The following GPC6 variants were observed in gnomAD, a reference collection of about 807,000 sequenced individuals.
GPC6 encodes glypican 6, also known as glypican-6.
In GPC6, 14 loss-of-function variants were observed where a neutral mutation model predicts 55.2. The ratio of observed to expected loss-of-function variants is 0.25; its 90% CI spans 0.17 to 0.40. The LOEUF (loss-of-function observed/expected upper bound fraction) is 0.40, where lower values mean the gene tolerates loss of function less well. GPC6 is among the 10% of genes least tolerant of loss of function. GPC6 has a pLI of 1.00. For synonymous variants in GPC6, 278 were observed against 259.6 expected (o/e 1.07, Z -0.68); for missense variants, 641 against 708.5 (o/e 0.90, Z 1.08).
chr13:93,340,348 T>G (rs1325692871), intron 1 of GPC6, among the ~76,000 whole-genome samples: 1 of 152,204 alleles, frequency 6.6e-6, no homozygotes, highest in Non-Finnish European at 1.5e-5. Flanking sequence ...AGTTTTCTTT[T>G]TAAATACCTG....
intron 2 of GPC6, among the ~76,000 whole-genome samples, chr13:93,804,025 T>A (rs1332948616): frequency 6.6e-6 from 1 of 152,126 alleles, no homozygotes; most frequent in Non-Finnish European, 1.5e-5. Flanking sequence ...TATGAATAGG[T>A]GAATATATTA....
intron 4 of GPC6, among the ~76,000 whole-genome samples, chr13:94,123,247 A>G (rs1021420000): frequency 1.1e-4 from 16 of 152,080 alleles, no homozygotes; most frequent in Non-Finnish European, 2.4e-4. Flanking sequence ...TATATGAGCT[A>G]GAAAATCCTT....
At chr13:93,322,008 GC>G (rs1426805325) in intron 1 of GPC6, among the ~76,000 whole-genome samples, 2 of 151,942 alleles carry the variant, frequency 1.3e-5, no homozygotes, top group Non-Finnish European at 2.9e-5. Flanking sequence ...CCAATCCATT[GC>G]AGATTGGTTC....
chr13:94,185,872 A>G (rs1436785577), intron 4 of GPC6, among the ~76,000 whole-genome samples: 1 of 151,986 alleles, frequency 6.6e-6, no homozygotes, highest in African/African-American at 2.4e-5. Flanking sequence ...CATCCTGGCT[A>G]ACACGGTGAA....
chr13:93,428,677 G>C (rs1047475972), intron 1 of GPC6, among the ~76,000 whole-genome samples: 8 of 152,182 alleles, frequency 5.3e-5, no homozygotes, highest in Admixed American at 6.6e-5. Flanking sequence ...GATTCATAGG[G>C]ATATTAGATC....
At chr13:93,377,225 T>C (rs1189867053) in intron 1 of GPC6, among the ~76,000 whole-genome samples, 2 of 152,172 alleles carry the variant, frequency 1.3e-5, no homozygotes, top group Admixed American at 1.3e-4. Context: ...CACCAGAGCA[T>C]TGAAGTGAAT....
chr13:93,962,610 T>G (rs550102515), intron 3 of GPC6, among the ~76,000 whole-genome samples: 1 of 152,276 alleles, frequency 6.6e-6, no homozygotes, highest in South Asian at 2.1e-4. Flanking sequence ...TTAGTTATTC[T>G]TAAAGTTCTA....
the GPC6 span, among the ~76,000 whole-genome samples, chr13:93,220,581 CA>C: frequency 6.6e-6 from 1 of 152,162 alleles, no homozygotes; most frequent in Non-Finnish European, 1.5e-5. Context: ...GTGTGAGCTT[CA>C]AATAATGGCA....
intron 1 of GPC6, among the ~76,000 whole-genome samples, chr13:93,544,533 C>T (rs1286488006): frequency 6.6e-6 from 1 of 152,114 alleles, no homozygotes; most frequent in Non-Finnish European, 1.5e-5. Context: ...CAATAACAGG[C>T]CATTTTAATT....
At chr13:94,085,334 A>AAT in intron 4 of GPC6, among the ~76,000 whole-genome samples, 1 of 150,794 alleles carries the variant, frequency 6.6e-6, no homozygotes. Context: ...AAAAAAAAAA[A>AAT]AAAAAAAAAA....
chr13:93,426,754 G>A (rs1408135126), intron 1 of GPC6, among the ~76,000 whole-genome samples: 1 of 152,140 alleles, frequency 6.6e-6, no homozygotes, highest in Non-Finnish European at 1.5e-5. Flanking sequence ...TATACACCCA[G>A]TAATGGGATG....
intron 2 of GPC6, among the ~76,000 whole-genome samples, chr13:93,573,624 AG>A (rs1250177765): frequency 1.3e-5 from 2 of 152,156 alleles, no homozygotes; most frequent in African/African-American, 2.4e-5. Context: ...ATGAGAAAAA[AG>A]GGTTAGGTAC....
At chr13:93,880,170 A>T (rs1368516127) in intron 3 of GPC6, among the ~76,000 whole-genome samples, 1 of 151,250 alleles carries the variant, frequency 6.6e-6, no homozygotes, top group African/African-American at 2.4e-5. Context: ...TTCCTCAGGG[A>T]TCTAGAACTA....
At chr13:94,240,548 T>G (rs1891025992) in intron 4 of GPC6, among the ~76,000 whole-genome samples, 1 of 152,120 alleles carries the variant, frequency 6.6e-6, no homozygotes, top group Non-Finnish European at 1.5e-5. Context: ...CTGTAGAAGT[T>G]GGAGAAACAA....
intron 4 of GPC6, among the ~76,000 whole-genome samples, chr13:94,054,254 A>C (rs1884053830): frequency 6.6e-6 from 1 of 152,190 alleles, no homozygotes; most frequent in South Asian, 2.1e-4. Flanking sequence ...GCATCAGCCC[A>C]GGTGGTTGTG....
intron 4 of GPC6, among the ~76,000 whole-genome samples, chr13:94,230,512 T>C (rs1245587079): frequency 6.6e-6 from 1 of 152,110 alleles, no homozygotes; most frequent in African/African-American, 2.4e-5. Flanking sequence ...AGAGACACTC[T>C]CCTCACACTC....
chr13:93,948,646 C>G (rs1311945192), intron 3 of GPC6, among the ~76,000 whole-genome samples: 1 of 152,158 alleles, frequency 6.6e-6, no homozygotes, highest in Non-Finnish European at 1.5e-5. Flanking sequence ...GTGTTCCTTT[C>G]CAAATGCAAA....
intron 1 of GPC6, among the ~76,000 whole-genome samples, chr13:93,351,754 T>TAAACA (rs201935648): frequency 6.6e-6 from 1 of 152,058 alleles, no homozygotes; most frequent in Non-Finnish European, 1.5e-5. Context: ...ATTAAAAATA[T>TAAACA]AAACAAAACA....
chr13:93,526,301 A>G (rs7999539), intron 1 of GPC6, among the ~76,000 whole-genome samples: 8,663 of 152,072 alleles, frequency 0.057, 796 homozygotes, highest in African/African-American at 0.2. Context: ...GGGACATGTA[A>G]ATGAATGTCA....
Sources: allele counts gnomAD v4.1 joint callset (sites outside exome capture counted in the v4.1 genomes callset), GRCh38; gene constraint gnomAD v4.1.1; transcripts MANE v1.5; gene names NCBI Gene and HGNC (gene_info 2026-07-23, HGNC 2026-07-21).